UGCG: variants seen among roughly 807,000 people sequenced by gnomAD.
UGCG encodes the protein ceramide glucosyltransferase.
UGCG carries 10 observed loss-of-function variants against 49.5 expected under a neutral mutation model. The ratio of observed to expected loss-of-function variants is 0.20; its 90% CI spans 0.12 to 0.34. The LOEUF (loss-of-function observed/expected upper bound fraction) is 0.34, where lower values mean the gene tolerates loss of function less well. Ranked by LOEUF, UGCG falls within the 10% of genes least tolerant of loss-of-function variation. The probability of loss-of-function intolerance (pLI) is 1.00; values close to 1 mark genes in which losing one functional copy is unlikely to be tolerated. For synonymous variants in UGCG, 182 were observed against 158.2 expected (o/e 1.15, Z -1.13); for missense variants, 312 against 483.7 (o/e 0.65, Z 3.33).
Position 111,897,147 on chromosome 9 carries a change from C to T in UGCG, c.-69C>T. 7.1e-7 allele frequency: 1 copy of T among 1,403,674 alleles called. No homozygotes were observed. The highest frequency in any genetic ancestry group is 1.3e-5 in the South Asian group (1 of 79,702). 87.0% of individuals were successfully genotyped at this position (1,403,674 alleles called of 1,614,324 possible). A position where few individuals can be genotyped will look rare whatever the true frequency, so the allele number is the denominator to read the frequency against. The stretch of plus-strand genomic sequence containing the variant: ...CCCCCGCACCGGGCGCCCACCCTGT[C>T]CTCCTCCTGCGGGAGCGTTGTCCGT... On this transcript the variant is annotated 5_prime_UTR_variant, in exon 1 of 9. Coordinates refer to ENST00000374279, the MANE Select transcript of UGCG (RefSeq NM_003358.3).
intron 6 of UGCG, 53 bp from the exon 7 acceptor site, chr9:111,931,218 C>G (rs41280159): frequency 5.8e-6 from 9 of 1,540,852 alleles, no homozygotes; most frequent in African/African-American, 4.1e-5. Flanking sequence ...TAACCAGTTA[C>G]GCTTGCATGT....
In UGCG at chr9:111,932,373, C is replaced by G. The variant is rs770813367; in HGVS notation, c.1014+14C>G. 1 of 1,603,446 alleles carries G rather than the reference C, an allele frequency of 6.2e-7. No homozygotes were observed. The highest frequency in any genetic ancestry group is 1.7e-5 in the Admixed American group (1 of 58,836). On this transcript the variant is annotated intron_variant, in intron 8 of 8. Coordinates refer to ENST00000374279, the MANE Select transcript of UGCG (RefSeq NM_003358.3). ...AGGGGTGTCCAGGTATGTGGATAGG[C>G]ATGAAAAGGTTGGCAGTCCCTTGGT...
chr9:111,906,048 A>G (rs1255568416), intron 1 of UGCG, among the ~76,000 whole-genome samples: 1 of 152,164 alleles, frequency 6.6e-6, no homozygotes, highest in Non-Finnish European at 1.5e-5. Flanking sequence ...GCCAGCCTGC[A>G]TCATTTGGTA....
Position 111,926,499 on chromosome 9 carries a change from G to A in UGCG, c.558+3G>A, listed in dbSNP as rs765701477. On this transcript the variant is annotated splice_donor_region_variant and intron_variant, in intron 5 of 8. Transcript: ENST00000374279. ...GCTTTGCTGCCACCTTAGAGCAGGTGAGTATGGTGGTTATAAATCATGTTC... is the reference window on the plus strand; with the variant it reads ...GCTTTGCTGCCACCTTAGAGCAGGTAAGTATGGTGGTTATAAATCATGTTC... 6.3e-7 allele frequency: 1 copy of A among 1,595,674 alleles called. No individual in the cohort carries two copies. Among genetic ancestry groups the A allele is most frequent in the South Asian group, 1.1e-5 (1 of 88,048 alleles).
intron 1 of UGCG, among the ~76,000 whole-genome samples, chr9:111,898,858 A>T (rs1837714477): frequency 6.6e-6 from 1 of 152,148 alleles, no homozygotes; most frequent in South Asian, 2.1e-4. Context: ...CTATATTATG[A>T]TTATTGTTCT....
chr9:111,910,103 A>G (rs747645501), intron 1 of UGCG, among the ~76,000 whole-genome samples: 2 of 152,230 alleles, frequency 1.3e-5, no homozygotes, highest in Non-Finnish European at 2.9e-5. Context: ...AAGTTCTTCA[A>G]AGGAGGAGGT....
In UGCG at chr9:111,929,593, G is replaced by T. The variant is rs759789808; in HGVS notation, c.652G>T (p.Asp218Tyr). 6.2e-7 allele frequency: 1 copy of T among 1,614,074 alleles called. No individual in the cohort carries two copies. Among genetic ancestry groups the T allele is most frequent in the South Asian group, 1.1e-5 (1 of 91,080 alleles). Residue 218 changes from aspartate to tyrosine, a missense_variant, in exon 6 of 9, where the codon GAT becomes TAT. Physicochemically the swap from Asp to Tyr is radical, Grantham distance 160 (BLOSUM62 -3). Around this residue, in one of 4 missense-constraint regions of UGCG, gnomAD observed 180 missense variants for 320.4 expected, o/e 0.56. Transcript: ENST00000374279. Reference sequence around the variant, plus strand: ...AGGAATGTCTTGTTTAATGAGAAAAGATGTGTTGGATCAAGCAGGAGGACT... The same window carrying T: ...AGGAATGTCTTGTTTAATGAGAAAATATGTGTTGGATCAAGCAGGAGGACT... Reference protein sequence around the residue: ...VTGMSCLMRKDVLDQAGGLIA... With the variant: ...VTGMSCLMRKYVLDQAGGLIA...
At chr9:111,899,046 A>G (rs761715569) in intron 1 of UGCG, among the ~76,000 whole-genome samples, 27 of 152,232 alleles carry the variant, frequency 1.8e-4, no homozygotes, top group Non-Finnish European at 3.1e-4. Context: ...TATGATCTCT[A>G]CATCATTTGT....
chr9:111,915,937 G>A (rs918260576), intron 2 of UGCG: 1 of 501,030 alleles, frequency 2.0e-6, no homozygotes, highest in Non-Finnish European at 2.6e-6. Context: ...ATTGGAAGCT[G>A]TTTTGAAGCA....
chr9:111,923,011 C>T (rs1313668270), intron 3 of UGCG, 60 bp downstream of exon 3: 1 of 1,077,482 alleles, frequency 9.3e-7, no homozygotes, highest in African/African-American at 1.6e-5. Context: ...TCAGTAATCT[C>T]TGCATTGAAC....
intron 1 of UGCG, among the ~76,000 whole-genome samples, chr9:111,908,953 C>G (rs1253249855): frequency 1.3e-5 from 2 of 152,244 alleles, no homozygotes; most frequent in Non-Finnish European, 2.9e-5. Context: ...CTCTCCCTCT[C>G]TGTCACCCAG....
chr9:111,907,178 T>C lies in UGCG; in HGVS notation c.99-7427T>C, dbSNP rs1321520153. On this transcript the variant is annotated intron_variant, in intron 1 of 8. Transcript: ENST00000374279. ...GGAAAGACCGCCTCCTAGGAGTAGT[T>C]GGATGCTTCCATCTCTCTTCTCTCA... is the stretch of plus-strand genomic sequence containing the variant. Among the ~76,000 whole-genome samples, 3 of 152,342 alleles carry C rather than the reference T, an allele frequency of 2.0e-5. No homozygotes were observed. The East Asian group carries it at 5.8e-4, about 29-fold the overall frequency.
At position 111,914,641 on chromosome 9, in the gene UGCG, G is replaced by A. The variant is rs1240786194; in HGVS notation, c.135G>A (p.Gln45=). 6.2e-7 allele frequency: 1 copy of A among 1,613,978 alleles called. No homozygotes were observed. Among genetic ancestry groups the A allele is most frequent in the East Asian group, 2.2e-5 (1 of 44,872 alleles). Reference sequence around the variant, plus strand: ...TCAACAAGAAGGCAACTGACAAACAGCCTTATAGCAAGCTCCCAGGTGTCT... The same window carrying A: ...TCAACAAGAAGGCAACTGACAAACAACCTTATAGCAAGCTCCCAGGTGTCT... ...LHLNKKATDK[Q]PYSKLPGVSL... The change falls in exon 2 of 9, where the codon CAG becomes CAA. Residue 45 remains glutamine (Q), a synonymous_variant. Coordinates refer to ENST00000374279, the MANE Select transcript of UGCG (RefSeq NM_003358.3).
chr9:111,903,948 CA>C (rs148497910), intron 1 of UGCG, among the ~76,000 whole-genome samples: 1,766 of 152,224 alleles, frequency 0.012, 41 homozygotes, highest in African/African-American at 0.041. Context: ...GGAGTCACAT[CA>C]AGGGCTTAAA....
At chr9:111,899,303 T>A (rs1168561415) in intron 1 of UGCG, among the ~76,000 whole-genome samples, 1 of 152,252 alleles carries the variant, frequency 6.6e-6, no homozygotes, top group Non-Finnish European at 1.5e-5. Flanking sequence ...ACAGTCCTGG[T>A]AACATTGTAT....
At chr9:111,918,127 C>T (rs117628858) in intron 2 of UGCG, among the ~76,000 whole-genome samples, 1,959 of 152,132 alleles carry the variant, frequency 0.013, 27 homozygotes, top group Non-Finnish European at 0.02. Context: ...CTGCCACTTC[C>T]GCCTCCCGGG....
chr9:111,906,128 A>G (rs1313362496), intron 1 of UGCG, among the ~76,000 whole-genome samples: 1 of 152,152 alleles, frequency 6.6e-6, no homozygotes, highest in African/African-American at 2.4e-5. Context: ...ACCTGTGGGC[A>G]TTATTTATAC....
Position 111,934,049 on chromosome 9 carries a change from A to T in UGCG, c.*1052A>T, listed in dbSNP as rs1838472268. ...CAGTAAATATTCTAGCCATCAATAA[A>T]TTGCAGTAGAGTATTAAGAGGGGAC... On this transcript the variant is annotated 3_prime_UTR_variant, in exon 9 of 9. Coordinates refer to ENST00000374279, the MANE Select transcript of UGCG (RefSeq NM_003358.3). 1 of 152,108 alleles carries T rather than the reference A, an allele frequency of 6.6e-6. No individual in the cohort carries two copies. Among genetic ancestry groups the T allele is most frequent in the African/African-American group, 2.4e-5 (1 of 41,424 alleles). 9.4% of individuals were successfully genotyped at this position (152,108 alleles called of 1,614,324 possible).
rs1243754812 is a variant in UGCG, at chr9:111,931,408, G to A, written c.824+51G>A. On this transcript the variant is annotated intron_variant, in intron 7 of 8. Transcript: ENST00000374279. Reference sequence around the variant, plus strand: ...CTTCGTTAAAAGGAAAGTGGGGAGGGGGGTGGTAATTTTTACAGGTTTAAT... The same window carrying A: ...CTTCGTTAAAAGGAAAGTGGGGAGGAGGGTGGTAATTTTTACAGGTTTAAT... 1.9e-6 allele frequency: 3 copies of A among 1,568,268 alleles called. No homozygotes were observed. In the East Asian group the frequency reaches 6.8e-5, roughly 35 times the overall value.
Sources: gnomAD v4.1 joint callset for allele counts (sites outside exome capture counted in the v4.1 genomes callset) on GRCh38, gnomAD v4.1.1 for gene constraint, gnomAD v4.1.1 regional missense constraint, MANE v1.5 for transcripts, NCBI Gene and HGNC (gene_info 2026-07-23, HGNC 2026-07-21) for gene names.